Variants in PSMD1 observed in about 807,000 individuals in gnomAD.
The protein encoded by PSMD1 is proteasome 26S subunit, non-ATPase 1, also known as 26S proteasome non-ATPase regulatory subunit 1.
In PSMD1, 18 loss-of-function variants were observed where a neutral mutation model predicts 119.0. That is an observed-to-expected ratio of 0.15 (90% CI 0.10 to 0.22). PSMD1 has a LOEUF of 0.22. Among genes scored for constraint, PSMD1 ranks in the 10% least tolerant of loss-of-function variants. The probability of loss-of-function intolerance (pLI) is 1.00; values close to 1 mark genes in which losing one functional copy is unlikely to be tolerated. For missense variants in PSMD1, 702 were observed against 1,158.5 expected, an observed-to-expected ratio of 0.61 and a Z score of 5.72; for synonymous variants, 374 against 396.6, an observed-to-expected ratio of 0.94 and a Z score of 0.68.
Position 231,172,535 on chromosome 2 carries a change from G to A in PSMD1, c.*10G>A, listed in dbSNP as rs147107380. On this transcript the variant is annotated splice_region_variant and 3_prime_UTR_variant, in exon 25 of 25. Coordinates refer to ENST00000308696, the MANE Select transcript of PSMD1 (RefSeq NM_002807.4). ...TACTGTTCTTTCTTCCCTTTCCCAG[G>A]ATCTCACTTGCTTATCTGAAGAAGA... 2.3e-4 allele frequency: 35 copies of A among 152,256 alleles called. No individual in the cohort carries two copies. The highest frequency in any genetic ancestry group is 7.7e-4 in the African/African-American group (32 of 41,560). 9.4% of individuals were successfully genotyped at this position (152,256 alleles called of 1,614,324 possible). A position where few individuals can be genotyped will look rare whatever the true frequency, so the allele number is the denominator to read the frequency against.
chr2:231,157,279 T>A (rs772324877), intron 19 of PSMD1, among the ~76,000 whole-genome samples: 1 of 151,582 alleles, frequency 6.6e-6, no homozygotes, highest in African/African-American at 2.4e-5. Flanking sequence ...GAAAAATAAA[T>A]TTTTAATTAA....
rs139336748 is a variant in PSMD1, at chr2:231,061,035, T to C, written c.17-232T>C. Among the ~76,000 whole-genome samples, 750 of 152,316 alleles carry C rather than the reference T, an allele frequency of 4.9e-3. 2 individuals are homozygous for C. The highest frequency in any genetic ancestry group is 6.4e-3 in the Non-Finnish European group (433 of 68,026). On this transcript the variant is annotated intron_variant, in intron 1 of 24. Coordinates refer to ENST00000308696, the MANE Select transcript of PSMD1 (RefSeq NM_002807.4). ...AGTCCAGGGAACACACTGAAAACCA[T>C]TGAATTAGGCAAATGATGTAATATA...
chr2:231,130,619 G>A (rs1004526908), intron 16 of PSMD1, among the ~76,000 whole-genome samples: 3 of 152,030 alleles, frequency 2.0e-5, no homozygotes, highest in South Asian at 2.1e-4. Flanking sequence ...CTCCATCCCC[G>A]GCTAATTTTT....
rs1161083878 is a variant in PSMD1 at position 231,081,002 on chromosome 2, G to A, written c.1413+688G>A. On this transcript the variant is annotated intron_variant, in intron 12 of 24. Coordinates refer to ENST00000308696, the MANE Select transcript of PSMD1 (RefSeq NM_002807.4). ...TACTAAAAATACAAAAAATTAGCCG[G>A]GCATGGTGGTGGGCACCTGTAATCC... Among the ~76,000 whole-genome samples, 7 of 152,130 alleles carry A rather than the reference G, an allele frequency of 4.6e-5. No homozygotes were observed. In the East Asian group the frequency reaches 7.7e-4, roughly 17 times the overall value.
intron 16 of PSMD1, among the ~76,000 whole-genome samples, chr2:231,131,761 C>CAAA (rs540366686): frequency 4.2e-4 from 5 of 11,826 alleles, no homozygotes; most frequent in Admixed American, 8.5e-4. Context: ...GACTCCGTCT[C>CAAA]AAAAAAAAAA....
intron 6 of PSMD1, among the ~76,000 whole-genome samples, chr2:231,070,687 A>G (rs746270459): frequency 3.3e-5 from 5 of 152,214 alleles, no homozygotes; most frequent in Non-Finnish European, 7.4e-5. Flanking sequence ...CTTTCCCATC[A>G]TTTGGGCTTT....
At chr2:231,159,682 G>A (rs963128819) in intron 19 of PSMD1, among the ~76,000 whole-genome samples, 2 of 152,172 alleles carry the variant, frequency 1.3e-5, no homozygotes, top group African/African-American at 4.8e-5. Flanking sequence ...CCAACTGATG[G>A]CTTGGATCTT....
intron 16 of PSMD1, among the ~76,000 whole-genome samples, chr2:231,124,543 C>T (rs571376235): frequency 8.1e-4 from 123 of 151,352 alleles, no homozygotes; most frequent in South Asian, 1.7e-3. Flanking sequence ...TTTGTGAGTA[C>T]TGATATAAAT....
Position 231,085,428 on chromosome 2 carries a change from C to G in PSMD1, c.1818+314C>G, listed in dbSNP as rs983969637. On this transcript the variant is annotated intron_variant, in intron 15 of 24. Transcript: ENST00000308696. ...AGACCTTGTGAGTATGTGTGGCCAC[C>G]CTAGGATAGAGAAATTCAGTGAAGA... is the stretch of plus-strand genomic sequence containing the variant. Among the ~76,000 whole-genome samples, 4 of 152,122 alleles carry G rather than the reference C, an allele frequency of 2.6e-5. 1 individual carries two copies. The East Asian group carries it at 7.7e-4, about 29-fold the overall frequency.
intron 16 of PSMD1, among the ~76,000 whole-genome samples, chr2:231,107,506 C>T (rs1170659427): frequency 6.6e-6 from 1 of 152,088 alleles, no homozygotes; most frequent in Non-Finnish European, 1.5e-5. Flanking sequence ...TACTTAGTGC[C>T]TTCTATGTAC....
At chr2:231,166,049 C>T in intron 23 of PSMD1, 32 bp downstream of exon 23, 1 of 1,562,306 alleles carries the variant, frequency 6.4e-7, no homozygotes, top group Non-Finnish European at 8.7e-7. Flanking sequence ...GCTGTATATA[C>T]CAGTGGGATA....
chr2:231,132,882 T>C (rs1418283923), intron 16 of PSMD1, among the ~76,000 whole-genome samples: 1 of 152,202 alleles, frequency 6.6e-6, no homozygotes, highest in African/African-American at 2.4e-5. Context: ...ATTTAAGGGG[T>C]TCTCTTGACT....
intron 16 of PSMD1, among the ~76,000 whole-genome samples, chr2:231,091,884 G>A (rs1419317616): frequency 6.6e-6 from 1 of 152,174 alleles, no homozygotes; most frequent in African/African-American, 2.4e-5. Context: ...TATGCTCCCA[G>A]TCACAGTTTA....
intron 7 of PSMD1, 100 bp from the exon 8 acceptor site, chr2:231,075,411 T>C: frequency 9.2e-7 from 1 of 1,092,488 alleles, no homozygotes. Context: ...TAGTAAACAT[T>C]ATTTTCTTGC....
intron 16 of PSMD1, among the ~76,000 whole-genome samples, chr2:231,096,725 A>G (rs1694735803): frequency 6.6e-6 from 1 of 152,236 alleles, no homozygotes; most frequent in African/African-American, 2.4e-5. Flanking sequence ...GGGAGGGGAA[A>G]GCGTTCTTAT....
chr2:231,114,560 T>A (rs911822736), intron 16 of PSMD1, among the ~76,000 whole-genome samples: 2 of 152,218 alleles, frequency 1.3e-5, no homozygotes, highest in African/African-American at 4.8e-5. Context: ...TCCCCTTCTA[T>A]ATTTCATCAT....
At position 231,085,126 on chromosome 2, in the gene PSMD1, G is replaced by T; in HGVS notation, c.1818+12G>T. On this transcript the variant is annotated intron_variant, in intron 15 of 24. Transcript: ENST00000308696. ...TGCTACATGTTGCTGTAAGTACTCTGACCTTTCTTGGGAATGGGGTGGACG... is the reference window on the plus strand; with the variant it reads ...TGCTACATGTTGCTGTAAGTACTCTTACCTTTCTTGGGAATGGGGTGGACG... The T allele has an allele frequency of 1.9e-6, 3 of 1,606,974 alleles. No individual in the cohort carries two copies. In the South Asian group the frequency reaches 3.3e-5, roughly 18 times the overall value.
At chr2:231,089,082 A>G (rs1694522833) in intron 16 of PSMD1, among the ~76,000 whole-genome samples, 1 of 152,292 alleles carries the variant, frequency 6.6e-6, no homozygotes, top group Non-Finnish European at 1.5e-5. Flanking sequence ...CAAGACGTTA[A>G]CTCTTCAGTT....
intron 16 of PSMD1, among the ~76,000 whole-genome samples, chr2:231,114,127 A>G (rs1695253427): frequency 6.6e-6 from 1 of 152,102 alleles, no homozygotes; most frequent in Non-Finnish European, 1.5e-5. Context: ...TTTTAAATAC[A>G]TTTTCTATTT....
Sources: allele counts gnomAD v4.1 joint callset (sites outside exome capture counted in the v4.1 genomes callset), GRCh38; gene constraint gnomAD v4.1.1; transcripts MANE v1.5; gene names NCBI Gene and HGNC (gene_info 2026-07-23, HGNC 2026-07-21).